Variants in CLDN12 observed in about 807,000 individuals in gnomAD.
CLDN12 encodes claudin-12.
CLDN12 carries 9 observed loss-of-function variants against 15.5 expected under a neutral mutation model. The ratio of observed to expected loss-of-function variants is 0.58; its 90% CI spans 0.35 to 1.02. The LOEUF is 1.02. CLDN12 is among the 50% of genes least tolerant of loss of function. The pLI is 0.02. For missense variants in CLDN12, 233 were observed against 297.3 expected (o/e 0.78, Z 1.59); for synonymous variants, 140 against 121.6 (o/e 1.15, Z -1.00).
intron 2 of CLDN12, chr7:90,408,979 C>G (rs1189325554): frequency 2.0e-5 from 3 of 151,806 alleles, no homozygotes; most frequent in Admixed American, 6.6e-5. Context: ...CCAATCTGGT[C>G]TCAAACTCCT....
At chr7:90,405,492 T>G (rs559654252) in intron 1 of CLDN12, 27 bp from the exon 2 acceptor site, 2 of 152,350 alleles carry the variant, frequency 1.3e-5, no homozygotes, top group East Asian at 3.9e-4. Flanking sequence ...ACTATGTTAA[T>G]TTGGAGTATT....
chr7:90,407,778 G>A (rs1796870470), intron 2 of CLDN12, among the ~76,000 whole-genome samples: 1 of 152,198 alleles, frequency 6.6e-6, no homozygotes, highest in Admixed American at 6.5e-5. Context: ...TATTAGCCAA[G>A]CAAAGAATAG....
rs890079426 is a variant in CLDN12 at position 90,413,105 on chromosome 7, A to G, written c.429A>G (p.Ala143=). ...HLVAGLLFFL[A]GTVSLSPSIW... is the part of the protein sequence containing the mutation. ...TGGCTGGGCTGCTATTTTTCCTGGC[A>G]GGTACTGTGAGCCTCTCCCCATCTA... The change falls in exon 4 of 4, where the codon GCA becomes GCG. Residue 143 remains alanine (A), a synonymous_variant. Coordinates refer to ENST00000496677, the MANE Select transcript of CLDN12 (RefSeq NM_001185072.3). 5 of 1,614,190 alleles carry G rather than the reference A, an allele frequency of 3.1e-6. No homozygotes were observed. In the African/African-American group the frequency reaches 4.0e-5, roughly 13 times the overall value.
chr7:90,413,088 C>T lies in CLDN12; in HGVS notation c.412C>T (p.Leu138=). 1 of 1,614,158 alleles carries T rather than the reference C, an allele frequency of 6.2e-7. No homozygotes were observed. Among genetic ancestry groups the T allele is most frequent in the Admixed American group, 1.7e-5 (1 of 60,022 alleles). Residue 138 remains leucine (L), a synonymous_variant, in exon 4 of 4, where the codon CTG becomes TTG. Transcript: ENST00000496677. ...NSAGCHLVAG[L]LFFLAGTVSL... ...TGCAGGTTGCCACCTGGTGGCTGGG[C>T]TGCTATTTTTCCTGGCAGGTACTGT...
intron 2 of CLDN12, among the ~76,000 whole-genome samples, chr7:90,410,339 TACTG>T (rs1796932943): frequency 6.6e-6 from 1 of 152,172 alleles, no homozygotes; most frequent in South Asian, 2.1e-4. Context: ...CTTCTGATAA[TACTG>T]ACAGAAGGTA....
intron 2 of CLDN12, among the ~76,000 whole-genome samples, chr7:90,409,983 T>A (rs574586504): frequency 6.6e-6 from 1 of 152,314 alleles, no homozygotes; most frequent in South Asian, 2.1e-4. Flanking sequence ...CCTTGTACAG[T>A]TCTTCATTAC....
At chr7:90,411,366 C>T (rs989652741) in intron 2 of CLDN12, among the ~76,000 whole-genome samples, 3 of 152,156 alleles carry the variant, frequency 2.0e-5, no homozygotes, top group African/African-American at 4.8e-5. Flanking sequence ...ACATTTGAGT[C>T]CTGCTTTGAG....
chr7:90,415,009 T>C lies in CLDN12; in HGVS notation c.*1598T>C, dbSNP rs17867644. On this transcript the variant is annotated 3_prime_UTR_variant, in exon 4 of 4. Coordinates refer to ENST00000496677, the MANE Select transcript of CLDN12 (RefSeq NM_001185072.3). ...ATTTTTTATTAACCATTACAGATTTTACAAACAGCTAGTTATATGGTAAAC... is the reference window on the plus strand; with the variant it reads ...ATTTTTTATTAACCATTACAGATTTCACAAACAGCTAGTTATATGGTAAAC... 0.03 allele frequency: 4,954 copies of C among 167,132 alleles called. 114 individuals carry two copies. The highest frequency in any genetic ancestry group is 0.044 in the Admixed American group (680 of 15,298). The allele number at this position is 167,132 out of a possible 1,614,324, so 10.4% of individuals were successfully genotyped here.
At chr7:90,412,358 T>G in intron 3 of CLDN12, 1 of 304,350 alleles carries the variant, frequency 3.3e-6, no homozygotes, top group Non-Finnish European at 6.1e-6. Flanking sequence ...GACTTTAACA[T>G]TATCTTGGTT....
rs760904190 is a variant in CLDN12 at position 90,413,090 on chromosome 7, G to A, written c.414G>A (p.Leu138=). The stretch of plus-strand genomic sequence containing the variant: ...CAGGTTGCCACCTGGTGGCTGGGCT[G>A]CTATTTTTCCTGGCAGGTACTGTGA... The part of the protein sequence containing the change: ...NSAGCHLVAG[L]LFFLAGTVSL... Residue 138 remains leucine (L), a synonymous_variant, in exon 4 of 4, where the codon CTG becomes CTA. Coordinates refer to ENST00000496677, the MANE Select transcript of CLDN12 (RefSeq NM_001185072.3). The A allele has an allele frequency of 8.7e-6, 14 of 1,614,084 alleles. No homozygotes were observed. Among genetic ancestry groups the A allele is most frequent in the Non-Finnish European group, 1.1e-5 (13 of 1,180,038 alleles).
chr7:90,408,665 G>A lies in CLDN12; in HGVS notation c.-77+3057G>A, dbSNP rs533796639. The stretch of plus-strand genomic sequence containing the variant: ...TTTAGCTTAAGAATTAAGGTTAATA[G>A]TACTTCCCTTCTGAAAAAGTGCCGT... On this transcript the variant is annotated intron_variant, in intron 2 of 3. Coordinates refer to ENST00000496677, the MANE Select transcript of CLDN12 (RefSeq NM_001185072.3). Among the ~76,000 whole-genome samples, 8 of 152,272 alleles carry A rather than the reference G, an allele frequency of 5.3e-5. No individual in the cohort carries two copies. In the East Asian group the frequency reaches 9.7e-4, roughly 18 times the overall value.
rs998944770 is a variant in CLDN12 at position 90,414,169 on chromosome 7, C to G, written c.*758C>G. On this transcript the variant is annotated 3_prime_UTR_variant, in exon 4 of 4. Transcript: ENST00000496677. ...ACTCTTTTTTGGAGATATCTTCCAT[C>G]AAGCAGTACTCGTGCCCATATACAA... 3 of 1,000,018 alleles carry G rather than the reference C, an allele frequency of 3.0e-6. No homozygotes were observed. In the African/African-American group the frequency reaches 5.2e-5, roughly 17 times the overall value. 61.9% of individuals were successfully genotyped at this position (1,000,018 alleles called of 1,614,324 possible). A position where few individuals can be genotyped will look rare whatever the true frequency, so the allele number is the denominator to read the frequency against.
chr7:90,410,046 G>A (rs1016915994), intron 2 of CLDN12, among the ~76,000 whole-genome samples: 43 of 152,086 alleles, frequency 2.8e-4, no homozygotes, highest in African/African-American at 9.9e-4. Context: ...CCCAATACTC[G>A]TTTATTCAAA....
At chr7:90,404,900 T>C (rs1447927686) in intron 1 of CLDN12, among the ~76,000 whole-genome samples, 1 of 151,878 alleles carries the variant, frequency 6.6e-6, no homozygotes, top group Non-Finnish European at 1.5e-5. Context: ...ATTTTTTTTT[T>C]TTTATTATTT....
intron 1 of CLDN12, among the ~76,000 whole-genome samples, chr7:90,405,166 G>C (rs1016922115): frequency 3.9e-5 from 6 of 152,118 alleles, no homozygotes; most frequent in African/African-American, 1.4e-4. Flanking sequence ...AGGTTCAAGC[G>C]GTTCTTGTGC....
In CLDN12 at chr7:90,413,494, A is replaced by G. The variant is rs891619549; in HGVS notation, c.*83A>G. On this transcript the variant is annotated 3_prime_UTR_variant, in exon 4 of 4. Coordinates refer to ENST00000496677, the MANE Select transcript of CLDN12 (RefSeq NM_001185072.3). ...AAAGAGCTCTTTTGGACCTACATAC[A>G]TTTTCCTTTGTTTTTGACCAATCAA... 6.5e-7 allele frequency: 1 copy of G among 1,528,076 alleles called. No individual in the cohort carries two copies. The highest frequency in any genetic ancestry group is 8.8e-7 in the Non-Finnish European group (1 of 1,141,078). 94.7% of individuals were successfully genotyped at this position (1,528,076 alleles called of 1,614,324 possible).
intron 2 of CLDN12, among the ~76,000 whole-genome samples, chr7:90,411,112 ATCACATT>A (rs1447996757): frequency 6.6e-6 from 1 of 152,234 alleles, no homozygotes; most frequent in Non-Finnish European, 1.5e-5. Context: ...TCATGCAACA[ATCACATT>A]CTAAGCCAGC....
chr7:90,413,405 C>G lies in CLDN12; in HGVS notation c.729C>G (p.Thr243=), dbSNP rs1266312378. 1 of 1,611,948 alleles carries G rather than the reference C, an allele frequency of 6.2e-7. No homozygotes were observed. Among genetic ancestry groups the G allele is most frequent in the South Asian group, 1.1e-5 (1 of 90,842 alleles). Residue 243 remains threonine, a synonymous_variant, in exon 4 of 4, where the codon ACC becomes ACG. Coordinates refer to ENST00000496677, the MANE Select transcript of CLDN12 (RefSeq NM_001185072.3). ...TTGACATTCCAGTAGTTTCACACAC[C>G]ACTTAATGGGGAAATAGTTAATTGT... The part of the protein sequence containing the change: ...IEIDIPVVSH[T]T
Position 90,412,898 on chromosome 7 carries a change from G to T in CLDN12, c.222G>T (p.Trp74Cys). The change falls in exon 4 of 4, where the codon TGG becomes TGT. Residue 74 changes from tryptophan (W) to cysteine (C), a missense_variant. Trp to Cys is a radical substitution (Grantham distance 215). Transcript: ENST00000496677. ...ACTGCCTGATGTACGACACTACTTG[G>T]TACTCATCAGTTGACCAGCTGGACC... ...SSDCLMYDTT[W>C]YSSVDQLDLR... 3 of 1,614,176 alleles carry T rather than the reference G, an allele frequency of 1.9e-6. No homozygotes were observed. In the South Asian group the frequency reaches 3.3e-5, roughly 18 times the overall value.
Sources: allele counts gnomAD v4.1 joint callset (sites outside exome capture counted in the v4.1 genomes callset), GRCh38; gene constraint gnomAD v4.1.1; transcripts MANE v1.5; gene names NCBI Gene and HGNC (gene_info 2026-07-23, HGNC 2026-07-21).